PITPNM2: variants seen among roughly 807,000 people sequenced by gnomAD.
The protein encoded by PITPNM2 is phosphatidylinositol transfer protein membrane associated 2.
In PITPNM2, 35 loss-of-function variants were observed where a neutral mutation model predicts 132.2. The observed-to-expected ratio is 0.26, with a 90% CI of 0.20 to 0.35. The LOEUF (loss-of-function observed/expected upper bound fraction) is 0.35. Ranked by LOEUF, PITPNM2 falls within the 10% of genes least tolerant of loss-of-function variation. PITPNM2 has a pLI of 1.00. For synonymous variants in PITPNM2, 738 were observed against 799.2 expected (o/e 0.92, Z 1.29); for missense variants, 1,332 against 1,912.0 (o/e 0.70, Z 5.66).
At position 122,985,913 on chromosome 12, in the gene PITPNM2, C is replaced by T; in HGVS notation, c.*114G>A. On this transcript the variant is annotated 3_prime_UTR_variant, in exon 26 of 26. Transcript: ENST00000320201. ...GGTGCGGCCCGTGTCCTCCACAAGG[C>T]CCTGGGACAATCTCCCAGGCCCACG... 9.9e-7 allele frequency: 1 copy of T among 1,011,896 alleles called. No homozygotes were observed. Among genetic ancestry groups the T allele is most frequent in the Non-Finnish European group, 1.3e-6 (1 of 755,142 alleles). 62.7% of individuals were successfully genotyped at this position (1,011,896 alleles called of 1,614,324 possible).
At chr12:123,127,724 C>T (rs112529657) in intron 1 of PITPNM2, among the ~76,000 whole-genome samples, 5,982 of 152,028 alleles carry the variant, frequency 0.039, 394 homozygotes, top group African/African-American at 0.14. Flanking sequence ...ATTCTCCTGC[C>T]TCAGCCTCCC....
At chr12:123,103,945 CTT>C (rs2042628387) in intron 2 of PITPNM2, among the ~76,000 whole-genome samples, 2 of 151,794 alleles carry the variant, frequency 1.3e-5, no homozygotes, top group Admixed American at 1.3e-4. Flanking sequence ...GAGTTTCACT[CTT>C]GTTGCGCAGG....
rs943210295 is a variant in PITPNM2 at position 123,005,150 on chromosome 12, C to T, written c.952+90G>A. 1.1e-5 allele frequency: 16 copies of T among 1,453,230 alleles called. No homozygotes were observed. The highest frequency in any genetic ancestry group is 2.0e-5 in the Admixed American group (1 of 50,396). The allele number at this position is 1,453,230 out of a possible 1,614,324, so 90.0% of individuals were successfully genotyped here. A position where few individuals can be genotyped will look rare whatever the true frequency, so the allele number is the denominator to read the frequency against. On this transcript the variant is annotated intron_variant, in intron 7 of 25. Coordinates refer to ENST00000320201, the MANE Select transcript of PITPNM2 (RefSeq NM_020845.3). The surrounding 1 kb of genome is among the most constrained non-coding windows in gnomAD (Gnocchi z 6.2). Reference sequence around the variant, plus strand: ...GTGCCTCAATGTCCATGGGAAAGAACTCTGAGGAGGTGCAGTGATCCAGCA... The same window carrying T: ...GTGCCTCAATGTCCATGGGAAAGAATTCTGAGGAGGTGCAGTGATCCAGCA...
intron 18 of PITPNM2, 94 bp from the exon 19 acceptor site, chr12:122,988,966 A>G: frequency 1.5e-6 from 2 of 1,340,818 alleles, no homozygotes; most frequent in South Asian, 3.3e-5. Flanking sequence ...TCAGCCCAGC[A>G]CAGTCCCCCC....
chr12:122,986,316 T>A lies in PITPNM2; in HGVS notation c.3761A>T (p.Gln1254Leu). ...CCGCGCCCGGTGGCTGTACTTCAGC[T>A]GCGCCAGGTGGGCCGCGTAGCCATC... ...ITDGYAAHLA[Q>L]LKYSHRARPA... The change falls in exon 26 of 26, where the codon CAG becomes CTG. Residue 1254 changes from glutamine to leucine, a missense_variant. Gln to Leu is a moderately radical substitution (Grantham distance 113). Transcript: ENST00000320201. The A allele has an allele frequency of 6.3e-7, 1 of 1,581,466 alleles. No homozygotes were observed. The highest frequency in any genetic ancestry group is 8.6e-7 in the Non-Finnish European group (1 of 1,166,002).
intron 2 of PITPNM2, chr12:123,075,468 TG>T (rs578204954): frequency 2.0e-5 from 3 of 152,278 alleles, no homozygotes; most frequent in Non-Finnish European, 4.4e-5. Context: ...GACTTTCTCC[TG>T]GGAGCTTCAC....
intron 19 of PITPNM2, 94 bp from the exon 20 acceptor site, chr12:122,988,444 A>C: frequency 9.2e-7 from 1 of 1,086,146 alleles, no homozygotes; most frequent in Middle Eastern, 2.2e-4. Flanking sequence ...GAGCAAGAGG[A>C]GCCTGTGGGT....
chr12:123,149,956 A>G (rs1047836871), intron 1 of PITPNM2: 1 of 152,348 alleles, frequency 6.6e-6, no homozygotes, highest in African/African-American at 2.4e-5. Flanking sequence ...CCCAGCCCAC[A>G]CTTCAGTGGG....
At position 122,992,727 on chromosome 12, in the gene PITPNM2, G is replaced by T. The variant is rs905744722; in HGVS notation, c.2234-58C>A. 2.2e-5 allele frequency: 30 copies of T among 1,392,852 alleles called. No individual in the cohort carries two copies. Among genetic ancestry groups the T allele is most frequent in the Non-Finnish European group, 2.7e-5 (28 of 1,030,870 alleles). The allele number at this position is 1,392,852 out of a possible 1,614,324, so 86.3% of individuals were successfully genotyped here. ...GCTGGCCCTGAGGAGCAGTGGTGGG[G>T]GTGGGAAATTTGGGAACTGGGCACT... On this transcript the variant is annotated intron_variant, in intron 15 of 25. Transcript: ENST00000320201. This position sits in a 1 kb window ranked among gnomAD's most constrained non-coding sequence, Gnocchi z 6.5.
chr12:123,062,151 G>C (rs576271715), intron 2 of PITPNM2, among the ~76,000 whole-genome samples: 1 of 152,220 alleles, frequency 6.6e-6, no homozygotes, highest in Admixed American at 6.5e-5. Flanking sequence ...CAAATCCAGG[G>C]AGACAGGTTC....
chr12:123,033,684 C>T (rs949113848), intron 3 of PITPNM2, among the ~76,000 whole-genome samples: 1 of 152,116 alleles, frequency 6.6e-6, no homozygotes, highest in Non-Finnish European at 1.5e-5. Flanking sequence ...GCCTTCCTGT[C>T]TGTAGAATGG....
chr12:123,120,665 G>C (rs920715790), intron 1 of PITPNM2, among the ~76,000 whole-genome samples: 1 of 152,136 alleles, frequency 6.6e-6, no homozygotes, highest in African/African-American at 2.4e-5. Flanking sequence ...GATGACCTTT[G>C]CTGGTACAAC....
At chr12:123,136,127 CCT>C (rs1452290574) in intron 1 of PITPNM2, among the ~76,000 whole-genome samples, 1 of 151,682 alleles carries the variant, frequency 6.6e-6, no homozygotes, top group African/African-American at 2.4e-5. Context: ...TTGGTGAAAC[CCT>C]GTCTCTACTA....
intron 8 of PITPNM2, among the ~76,000 whole-genome samples, chr12:123,002,664 A>G (rs1489452484): frequency 1.3e-5 from 2 of 152,150 alleles, no homozygotes; most frequent in Non-Finnish European, 1.5e-5. Context: ...GCGATCCCAA[A>G]GTGTTGGGAT....
chr12:123,088,138 CTT>C (rs1272024349), intron 2 of PITPNM2: 1 of 152,256 alleles, frequency 6.6e-6, no homozygotes, highest in Non-Finnish European at 1.5e-5. Flanking sequence ...CGTTTCTTCT[CTT>C]GTTCTGTTCC....
Position 123,111,524 on chromosome 12 carries a change from G to A in PITPNM2, c.-199-1036C>T, listed in dbSNP as rs1269127247. On this transcript the variant is annotated intron_variant, in intron 1 of 25. Coordinates refer to ENST00000320201, the MANE Select transcript of PITPNM2 (RefSeq NM_020845.3). The surrounding 1 kb of genome is among the most constrained non-coding windows in gnomAD (Gnocchi z 4.1). ...AAAGTTATCAACTGCCAAGTGAACG[G>A]CCAGACAGAGGAGGGAGAGTGGAAT... Among the ~76,000 whole-genome samples, 2 of 152,254 alleles carry A rather than the reference G, an allele frequency of 1.3e-5. No homozygotes were observed. Among genetic ancestry groups the A allele is most frequent in the South Asian group, 2.1e-4 (1 of 4,832 alleles).
intron 20 of PITPNM2, 55 bp from the exon 21 acceptor site, chr12:122,987,956 T>C: frequency 6.7e-7 from 1 of 1,483,978 alleles, no homozygotes; most frequent in Non-Finnish European, 9.3e-7. Context: ...CCCGGGTCCC[T>C]GTGTTCTGCT....
In PITPNM2 at chr12:122,990,664, G is replaced by A. The variant is rs1256928473; in HGVS notation, c.2450C>T (p.Ala817Val). The change falls in exon 17 of 26, where the codon GCC becomes GTC. Residue 817 changes from alanine to valine, a missense_variant. Physicochemically the swap from Ala to Val is moderately conservative, Grantham distance 64 (BLOSUM62 0). Transcript: ENST00000320201. The stretch of plus-strand genomic sequence containing the variant: ...AGGGGCAGTGCCCGGCGAGGAGGGG[G>A]CGCCATGCTCTTGGAAGGCTGCATT... ...THNAAFQEHGAPSSPGTAPAS... is the reference protein window; with the variant it reads ...THNAAFQEHGVPSSPGTAPAS... The A allele has an allele frequency of 1.2e-6, 2 of 1,611,730 alleles. No individual in the cohort carries two copies. Among genetic ancestry groups the A allele is most frequent in the African/African-American group, 1.3e-5 (1 of 74,946 alleles).
In PITPNM2 at chr12:123,009,922, A is replaced by G; in HGVS notation, c.571T>C (p.Tyr191His). The change falls in exon 6 of 26, where the codon TAC becomes CAC. Residue 191 changes from tyrosine (Y) to histidine (H), a missense_variant. This residue lies in a region of PITPNM2 where 122 missense variants were observed against 209.6 expected (regional missense o/e 0.58). Coordinates refer to ENST00000320201, the MANE Select transcript of PITPNM2 (RefSeq NM_020845.3). The surrounding 1 kb of genome is among the most constrained non-coding windows in gnomAD (Gnocchi z 4.8). ...KKQVFPIMCA[Y>H]KLCKVEFRYW... ...CGGAACTCCACCTTGCAGAGCTTGT[A>G]TGCGCACATGATGGGGAAGACCTGC... The G allele has an allele frequency of 6.2e-7, 1 of 1,614,156 alleles. No individual in the cohort carries two copies. The highest frequency in any genetic ancestry group is 8.5e-7 in the Non-Finnish European group (1 of 1,180,020).
Sources: allele counts gnomAD v4.1 joint callset (sites outside exome capture counted in the v4.1 genomes callset), GRCh38; gene constraint gnomAD v4.1.1; regional missense constraint gnomAD v4.1.1; non-coding constraint Gnocchi (gnomAD v3.1); transcripts MANE v1.5; gene names NCBI Gene and HGNC (gene_info 2026-07-23, HGNC 2026-07-21).